FLT1: variants seen among roughly 807,000 people sequenced by gnomAD.
FLT1 encodes the protein fms related receptor tyrosine kinase 1, also known as vascular endothelial growth factor receptor 1.
FLT1 carries 49 observed loss-of-function variants against 156.3 expected under a neutral mutation model. That is an observed-to-expected ratio of 0.31 (90% CI 0.25 to 0.40). FLT1 has a LOEUF of 0.40. FLT1 is among the 10% of genes least tolerant of loss of function. FLT1 has a pLI of 1.00. For synonymous variants in FLT1, 594 were observed against 583.8 expected, an observed-to-expected ratio of 1.02 and a Z score of -0.25; for missense variants, 1,322 against 1,637.2, an observed-to-expected ratio of 0.81 and a Z score of 3.32.
rs188650944 is a variant in FLT1, at chr13:28,343,938, G to A, written c.2355+1507C>T. Among the ~76,000 whole-genome samples, 480 of 151,682 alleles carry A rather than the reference G, an allele frequency of 3.2e-3. 2 individuals are homozygous for A. Among genetic ancestry groups the A allele is most frequent in the Non-Finnish European group, 3.5e-3 (241 of 67,966 alleles). ...ATTACAGGCGTGAGCCACCGCGCCCGGCAGCCACCATAATTTCTTACCTGG... is the reference window on the plus strand; with the variant it reads ...ATTACAGGCGTGAGCCACCGCGCCCAGCAGCCACCATAATTTCTTACCTGG... On this transcript the variant is annotated intron_variant, in intron 16 of 29. Coordinates refer to ENST00000282397, the MANE Select transcript of FLT1 (RefSeq NM_002019.4).
chr13:28,313,888 TAA>T (rs779467248), intron 25 of FLT1, among the ~76,000 whole-genome samples: 10,583 of 70,526 alleles, frequency 0.15, 1,273 homozygotes, highest in African/African-American at 0.32. Flanking sequence ...TACAGGGAGG[TAA>T]AAAAAAAAAA....
At chr13:28,480,381 T>C (rs1880767774) in intron 1 of FLT1, among the ~76,000 whole-genome samples, 1 of 152,246 alleles carries the variant, frequency 6.6e-6, no homozygotes. Flanking sequence ...GATAAATAAG[T>C]ATATATAGAT....
intron 13 of FLT1, chr13:28,387,776 AAT>A (rs1333412881): frequency 1.4e-4 from 149 of 1,040,248 alleles, no homozygotes; most frequent in Non-Finnish European, 1.7e-4. Context: ...TAGGGTAACT[AAT>A]AAAAAACAAA....
intron 15 of FLT1, among the ~76,000 whole-genome samples, chr13:28,349,884 CT>C (rs1336501929): frequency 2.0e-4 from 31 of 152,264 alleles, no homozygotes; most frequent in African/African-American, 7.2e-4. Context: ...TTCAGTACTG[CT>C]TATTGAAAAA....
chr13:28,389,328 G>A, intron 13 of FLT1: 1 of 1,224,020 alleles, frequency 8.2e-7, no homozygotes, highest in Non-Finnish European at 1.0e-6. Context: ...ATCTTTGGCA[G>A]AAACCAGCAT....
chr13:28,320,656 C>A (rs535068265), intron 23 of FLT1, among the ~76,000 whole-genome samples: 65 of 152,140 alleles, frequency 4.3e-4, no homozygotes, highest in African/African-American at 1.5e-3. Context: ...AGATTGGACA[C>A]CCCTGGTCTA....
At chr13:28,358,079 T>C (rs1276886432) in intron 14 of FLT1, among the ~76,000 whole-genome samples, 2 of 152,202 alleles carry the variant, frequency 1.3e-5, no homozygotes, top group Admixed American at 6.5e-5. Flanking sequence ...CTCTGTGTGC[T>C]CGGCACTATG....
chr13:28,478,223 C>T (rs1193897382), intron 1 of FLT1, among the ~76,000 whole-genome samples: 4 of 152,288 alleles, frequency 2.6e-5, no homozygotes, highest in Middle Eastern at 6.8e-3. Context: ...TCCGTGTTCT[C>T]TTTAAATAAA....
intron 29 of FLT1, 127 bp from the exon 30 acceptor site, chr13:28,303,495 C>CCG (rs1555297822): frequency 3.8e-6 from 3 of 796,312 alleles, no homozygotes; most frequent in Admixed American, 2.1e-5. Context: ...TTTTGGAACC[C>CCG]CCCCCCCCTC....
intron 3 of FLT1, among the ~76,000 whole-genome samples, chr13:28,457,119 G>A (rs1162706420): frequency 2.0e-5 from 3 of 151,760 alleles, no homozygotes; most frequent in African/African-American, 7.3e-5. Flanking sequence ...GGAAATCTCT[G>A]TACCTTCCTC....
chr13:28,473,370 C>G (rs548388519), intron 1 of FLT1, among the ~76,000 whole-genome samples: 3 of 151,800 alleles, frequency 2.0e-5, no homozygotes, highest in African/African-American at 7.3e-5. Context: ...CCAGGCCCAG[C>G]GCAGTGGCTC....
chr13:28,384,655 C>T lies in FLT1; in HGVS notation c.2116+230G>A, dbSNP rs550016930. On this transcript the variant is annotated intron_variant, in intron 14 of 29. Transcript: ENST00000282397. The stretch of plus-strand genomic sequence containing the variant: ...GAATGCACTATTTAAAGACTTCCAG[C>T]TGAATAGATTCTGCAGGATCTTTCT... Among the ~76,000 whole-genome samples, 5 of 152,232 alleles carry T rather than the reference C, an allele frequency of 3.3e-5. No homozygotes were observed. In the South Asian group the frequency reaches 8.3e-4, roughly 25 times the overall value.
At chr13:28,481,662 C>T (rs1880860408) in intron 1 of FLT1, among the ~76,000 whole-genome samples, 1 of 152,196 alleles carries the variant, frequency 6.6e-6, no homozygotes, top group African/African-American at 2.4e-5. Context: ...ACATTTCTTC[C>T]TCTTGAAGGT....
intron 23 of FLT1, among the ~76,000 whole-genome samples, chr13:28,320,069 A>G (rs7987291): frequency 0.26 from 39,367 of 152,108 alleles, 5,690 homozygotes; most frequent in African/African-American, 0.4. Flanking sequence ...TAGTTTTCAA[A>G]CATGTAGACA....
intron 1 of FLT1, among the ~76,000 whole-genome samples, chr13:28,471,931 G>C (rs1880200830): frequency 6.6e-6 from 1 of 151,930 alleles, no homozygotes; most frequent in African/African-American, 2.4e-5. Context: ...CATGAAAATG[G>C]GCTTTATCCC....
intron 1 of FLT1, among the ~76,000 whole-genome samples, chr13:28,469,556 G>A (rs981413073): frequency 5.3e-5 from 8 of 152,268 alleles, no homozygotes; most frequent in East Asian, 1.9e-4. Context: ...GTGTGCATTC[G>A]GTGCTGTGCT....
At chr13:28,386,507 C>T in intron 13 of FLT1, 1 of 1,049,656 alleles carries the variant, frequency 9.5e-7, no homozygotes, top group Non-Finnish European at 1.2e-6. Flanking sequence ...ACAAAAACTT[C>T]TTCAAACTAG....
At chr13:28,454,454 G>A (rs1050940475) in intron 3 of FLT1, among the ~76,000 whole-genome samples, 5 of 152,170 alleles carry the variant, frequency 3.3e-5, no homozygotes. Flanking sequence ...TCTTGATTAT[G>A]GGAGGTGGTT....
intron 14 of FLT1, among the ~76,000 whole-genome samples, chr13:28,359,940 G>A (rs148359531): frequency 0.015 from 2,276 of 152,194 alleles, 58 homozygotes; most frequent in African/African-American, 0.052. Flanking sequence ...ATGAAACCCA[G>A]TCTCTACTAA....
Sources: allele counts gnomAD v4.1 joint callset (sites outside exome capture counted in the v4.1 genomes callset), GRCh38; gene constraint gnomAD v4.1.1; transcripts MANE v1.5; gene names NCBI Gene and HGNC (gene_info 2026-07-23, HGNC 2026-07-21).